Variants in PCDHGA1 observed in about 807,000 individuals in gnomAD.
The protein encoded by PCDHGA1 is protocadherin gamma subfamily A, 1.
PCDHGA1 carries 32 observed loss-of-function variants against 58.0 expected under a neutral mutation model. That is an observed-to-expected ratio of 0.55 (90% CI 0.42 to 0.74). The LOEUF (loss-of-function observed/expected upper bound fraction) is 0.74. Ranked by LOEUF, PCDHGA1 falls within the 30% of genes least tolerant of loss-of-function variation. The pLI is 0.00. For missense variants in PCDHGA1, 1,205 were observed against 1,182.3 expected, an observed-to-expected ratio of 1.02 and a Z score of -0.28; for synonymous variants, 498 against 501.1, an observed-to-expected ratio of 0.99 and a Z score of 0.08.
intron 1 of PCDHGA1, chr5:141,423,601 C>A (rs372165060): frequency 1.9e-6 from 3 of 1,612,704 alleles, no homozygotes; most frequent in Non-Finnish European, 2.5e-6. Flanking sequence ...AAGCGAGCCA[C>A]TCTTGATAGC....
chr5:141,380,372 C>G (rs73265858), intron 1 of PCDHGA1, among the ~76,000 whole-genome samples: 1 of 151,948 alleles, frequency 6.6e-6, no homozygotes, highest in African/African-American at 2.4e-5. Context: ...AAAAAAAAGT[C>G]CCAAAAAAGA....
chr5:141,477,639 G>T lies in PCDHGA1; in HGVS notation c.2422-17168G>T, dbSNP rs2099414883. ...GGAGCTGAAACCGGGCTAGTGGGTCGCTATTTCACAATAAATCGTGACAAT... is the reference window on the plus strand; with the variant it reads ...GGAGCTGAAACCGGGCTAGTGGGTCTCTATTTCACAATAAATCGTGACAAT... On this transcript the variant is annotated intron_variant, in intron 1 of 3. Transcript: ENST00000517417. The surrounding 1 kb of genome is among the most constrained non-coding windows in gnomAD (Gnocchi z 4.9). 3.1e-6 allele frequency: 5 copies of T among 1,614,004 alleles called. No homozygotes were observed. Among genetic ancestry groups the T allele is most frequent in the Non-Finnish European group, 4.2e-6 (5 of 1,180,034 alleles).
intron 1 of PCDHGA1, among the ~76,000 whole-genome samples, chr5:141,451,717 A>G (rs2098722445): frequency 6.6e-6 from 1 of 152,166 alleles, no homozygotes; most frequent in Non-Finnish European, 1.5e-5. Context: ...CCCTGCCTCT[A>G]CTAAAAATAC....
intron 1 of PCDHGA1, chr5:141,395,735 A>T (rs1226671096): frequency 6.5e-6 from 1 of 153,508 alleles, no homozygotes; most frequent in East Asian, 1.9e-4. Context: ...TCTTCACTTT[A>T]AACCTCTTTT....
chr5:141,409,196 A>G (rs1197077093), intron 1 of PCDHGA1: 2 of 1,613,926 alleles, frequency 1.2e-6, no homozygotes, highest in Non-Finnish European at 1.7e-6. Flanking sequence ...TACCCAGTGT[A>G]AAGTAATCAT....
intron 1 of PCDHGA1, chr5:141,389,708 G>A: frequency 6.2e-7 from 1 of 1,612,610 alleles, no homozygotes; most frequent in South Asian, 1.1e-5. Context: ...ACGTGCTGCA[G>A]GCTAGCGAGC....
intron 1 of PCDHGA1, among the ~76,000 whole-genome samples, chr5:141,483,875 AT>A (rs2154580008): frequency 6.6e-6 from 1 of 151,964 alleles, no homozygotes; most frequent in Admixed American, 6.6e-5. Context: ...ATCAGGATGG[AT>A]TTTTCTATTT....
intron 1 of PCDHGA1, chr5:141,430,760 A>C: frequency 1.3e-6 from 2 of 1,505,596 alleles, no homozygotes; most frequent in Non-Finnish European, 8.9e-7. Context: ...GAAGATAAGA[A>C]TGATTCCTGC....
intron 1 of PCDHGA1, among the ~76,000 whole-genome samples, chr5:141,482,760 C>CAGCTGTG (rs1363796107): frequency 2.1e-5 from 3 of 141,084 alleles, no homozygotes; most frequent in African/African-American, 5.7e-5. Flanking sequence ...TATGGTATTT[C>CAGCTGTG]ATTATCACTG....
chr5:141,408,924 T>G, intron 1 of PCDHGA1: 1 of 1,612,706 alleles, frequency 6.2e-7, no homozygotes. Flanking sequence ...AACCCCCCGG[T>G]TTTCAGCAGA....
At chr5:141,499,686 T>C (rs1400567357) in intron 2 of PCDHGA1, among the ~76,000 whole-genome samples, 2 of 149,346 alleles carry the variant, frequency 1.3e-5, no homozygotes, top group East Asian at 2.0e-4. Context: ...CTTTAACAGA[T>C]GACTTTTTTT....
rs770930842 is a variant in PCDHGA1 at position 141,432,673 on chromosome 5, C to G, written c.2422-62134C>G. 10 of 1,613,804 alleles carry G rather than the reference C, an allele frequency of 6.2e-6. No homozygotes were observed. The East Asian group carries it at 1.3e-4, about 22-fold the overall frequency. ...GAGCCCTGCTGGACAGAGACGCGCT[C>G]AAGCAGAGCCTCGTAGTGGCCGTCC... is the stretch of plus-strand genomic sequence containing the variant. On this transcript the variant is annotated intron_variant, in intron 1 of 3. Transcript: ENST00000517417. The surrounding 1 kb of genome is among the most constrained non-coding windows in gnomAD (Gnocchi z 6.0).
intron 1 of PCDHGA1, among the ~76,000 whole-genome samples, chr5:141,353,015 T>C (rs1759163268): frequency 2.6e-5 from 4 of 152,166 alleles, no homozygotes; most frequent in Admixed American, 1.3e-4. Context: ...AATTATATAT[T>C]GCATTTTCTT....
At chr5:141,361,057 G>T (rs768644219) in intron 1 of PCDHGA1, 2 of 1,613,830 alleles carry the variant, frequency 1.2e-6, no homozygotes, top group Non-Finnish European at 1.7e-6. Context: ...GGATGATTTG[G>T]ATTTTGAGAT....
chr5:141,393,049 C>T (rs2092663894), intron 1 of PCDHGA1: 4 of 1,613,486 alleles, frequency 2.5e-6, no homozygotes, highest in South Asian at 1.1e-5. Context: ...GCTCTGAACC[C>T]GCGCAGCGGC....
chr5:141,498,065 G>C (rs1197771947), intron 2 of PCDHGA1, among the ~76,000 whole-genome samples: 1 of 152,220 alleles, frequency 6.6e-6, no homozygotes, highest in Non-Finnish European at 1.5e-5. Context: ...GACTGAAACT[G>C]TCATAAGTGC....
At chr5:141,388,831 T>A (rs1300455758) in intron 1 of PCDHGA1, 1 of 1,613,964 alleles carries the variant, frequency 6.2e-7, no homozygotes, top group Non-Finnish European at 8.5e-7. Flanking sequence ...TATTCCATAG[T>A]TTTGGAAGCA....
Position 141,375,503 on chromosome 5 carries a change from G to A in PCDHGA1, c.2421+42398G>A. 1.5e-5 allele frequency: 24 copies of A among 1,613,982 alleles called. 1 individual carries two copies. The highest frequency in any genetic ancestry group is 2.0e-5 in the Non-Finnish European group (24 of 1,179,940). On this transcript the variant is annotated intron_variant, in intron 1 of 3. Transcript: ENST00000517417. ...CCCCAGGGGTGCCTCCATCTTCTCT[G>A]TGAATGCACTGGACCCTGACGTGGA...
At position 141,491,766 on chromosome 5, in the gene PCDHGA1, T is replaced by G. The variant is rs772444495; in HGVS notation, c.2422-3041T>G. On this transcript the variant is annotated intron_variant, in intron 1 of 3. Coordinates refer to ENST00000517417, the MANE Select transcript of PCDHGA1 (RefSeq NM_018912.3). This position sits in a 1 kb window ranked among gnomAD's most constrained non-coding sequence, Gnocchi z 6.9. ...GCACTGGAGAAGCCGCCCGTCCTCA[T>G]AAGGGATTGAACTTGCATCCACTCC... The G allele has an allele frequency of 1.9e-6, 3 of 1,567,856 alleles. No homozygotes were observed. Among genetic ancestry groups the G allele is most frequent in the Non-Finnish European group, 8.6e-7 (1 of 1,158,088 alleles).
Sources: gnomAD v4.1 joint callset for allele counts (sites outside exome capture counted in the v4.1 genomes callset) on GRCh38, gnomAD v4.1.1 for gene constraint, Gnocchi (gnomAD v3.1) non-coding constraint, MANE v1.5 for transcripts, NCBI Gene and HGNC (gene_info 2026-07-23, HGNC 2026-07-21) for gene names.